CEP350: variants seen among roughly 807,000 people sequenced by gnomAD.
CEP350 encodes the protein centrosomal protein 350, also known as centrosome-associated protein 350.
CEP350 carries 126 observed loss-of-function variants against 331.8 expected under a neutral mutation model. The ratio of observed to expected loss-of-function variants is 0.38; its 90% confidence interval spans 0.33 to 0.44. The LOEUF is 0.44. Among genes scored for constraint, CEP350 ranks in the 20% least tolerant of loss-of-function variants. The pLI, the probability that CEP350 is intolerant of heterozygous loss-of-function variation, is 1.00. For missense variants in CEP350, 3,406 were observed against 3,634.6 expected (o/e 0.94, Z 1.62); for synonymous variants, 1,200 against 1,259.5 (o/e 0.95, Z 1.00).
chr1:180,024,602 G>C lies in CEP350; in HGVS notation c.3550+20G>C. ...CAGAATGTAAGTGGAATTCCACATG[G>C]TAACTTTTTCTCTTACCAATGATTT... On this transcript the variant is annotated intron_variant, in intron 14 of 37. Coordinates refer to ENST00000367607, the MANE Select transcript of CEP350 (RefSeq NM_014810.5). 6.3e-7 allele frequency: 1 copy of C among 1,590,190 alleles called. No homozygotes were observed. Among genetic ancestry groups the C allele is most frequent in the Non-Finnish European group, 8.6e-7 (1 of 1,168,988 alleles).
At chr1:179,965,014 T>C (rs563726008) in intron 1 of CEP350, among the ~76,000 whole-genome samples, 1 of 152,248 alleles carries the variant, frequency 6.6e-6, no homozygotes, top group South Asian at 2.1e-4. Context: ...GATATCTTAC[T>C]GTCTTTTTGA....
chr1:180,052,331 G>T (rs1381343752), intron 22 of CEP350: 1 of 402,410 alleles, frequency 2.5e-6, no homozygotes, highest in Non-Finnish European at 4.8e-6. Flanking sequence ...GAGCCCCTGT[G>T]CCTGGCCCCT....
At chr1:180,040,647 A>AAAT (rs1553258297) in intron 17 of CEP350, among the ~76,000 whole-genome samples, 1 of 150,246 alleles carries the variant, frequency 6.7e-6, no homozygotes, top group Non-Finnish European at 1.5e-5. Context: ...TGAAAAAAAA[A>AAAT]ATATATATAT....
At chr1:179,957,189 T>G (rs921545985) in intron 1 of CEP350, among the ~76,000 whole-genome samples, 3 of 152,196 alleles carry the variant, frequency 2.0e-5, no homozygotes, top group Admixed American at 6.5e-5. Context: ...TCATTTATAC[T>G]CTTAGTTATG....
At chr1:179,967,770 G>T (rs181088705) in intron 1 of CEP350, among the ~76,000 whole-genome samples, 7 of 152,256 alleles carry the variant, frequency 4.6e-5, no homozygotes, top group Admixed American at 3.3e-4. Context: ...TTTTATGAAA[G>T]AATTTATTTT....
At chr1:180,066,467 C>T (rs1369642795) in intron 27 of CEP350, among the ~76,000 whole-genome samples, 1 of 152,152 alleles carries the variant, frequency 6.6e-6, no homozygotes, top group Admixed American at 6.5e-5. Context: ...TTAAATCAAT[C>T]TGTGATTTAG....
chr1:180,066,596 A>G (rs1286704671), intron 27 of CEP350, among the ~76,000 whole-genome samples: 1 of 152,228 alleles, frequency 6.6e-6, no homozygotes, highest in South Asian at 2.1e-4. Context: ...TAAATTGATT[A>G]TGAAAATAAG....
At position 179,992,083 on chromosome 1, in the gene CEP350, C is replaced by T; in HGVS notation, c.257C>T (p.Ser86Phe). The change falls in exon 5 of 38, where the codon TCT becomes TTT. Residue 86 changes from serine (S) to phenylalanine (F), a missense_variant. By Grantham distance (155) the Ser-to-Phe change is radical. Coordinates refer to ENST00000367607, the MANE Select transcript of CEP350 (RefSeq NM_014810.5). Reference sequence around the variant, plus strand: ...TCAGATGGTAGATACCTGGATGATTCTTGGGTTAATGCTCCAATCTCCAAA... The same window carrying T: ...TCAGATGGTAGATACCTGGATGATTTTTGGGTTAATGCTCCAATCTCCAAA... ...SRKDGRYLDDSWVNAPISKST... is the reference protein window; with the variant it reads ...SRKDGRYLDDFWVNAPISKST... The T allele has an allele frequency of 6.5e-7, 1 of 1,548,892 alleles. No homozygotes were observed. Among genetic ancestry groups the T allele is most frequent in the Non-Finnish European group, 8.7e-7 (1 of 1,150,468 alleles).
At chr1:179,966,554 C>T (rs1434155262) in intron 1 of CEP350, among the ~76,000 whole-genome samples, 1 of 152,050 alleles carries the variant, frequency 6.6e-6, no homozygotes, top group Non-Finnish European at 1.5e-5. Context: ...AATGATTTTT[C>T]CCTCCCTAAG....
At chr1:180,095,476 A>G in intron 34 of CEP350, 47 bp from the exon 35 acceptor site, 4 of 1,540,832 alleles carry the variant, frequency 2.6e-6, no homozygotes, top group Non-Finnish European at 2.6e-6. Context: ...AAAAAATGAT[A>G]TGAGGTCCCT....
At chr1:180,044,709 G>A (rs1364230159) in intron 21 of CEP350, among the ~76,000 whole-genome samples, 1 of 149,734 alleles carries the variant, frequency 6.7e-6, no homozygotes, top group Non-Finnish European at 1.5e-5. Context: ...GATAGCATTA[G>A]GAGATATACC....
chr1:180,110,911 A>T, intron 37 of CEP350, 86 bp from the exon 38 acceptor site: 1 of 1,131,764 alleles, frequency 8.8e-7, no homozygotes, highest in Non-Finnish European at 1.3e-6. Flanking sequence ...CTGTATTCCT[A>T]TGGATAGGAC....
At position 180,022,807 on chromosome 1, in the gene CEP350, G is replaced by C; in HGVS notation, c.3345G>C (p.Gly1115=). 6.2e-7 allele frequency: 1 copy of C among 1,600,804 alleles called. No homozygotes were observed. The highest frequency in any genetic ancestry group is 8.5e-7 in the Non-Finnish European group (1 of 1,172,790). The change falls in exon 13 of 38, where the codon GGG becomes GGC. Residue 1115 remains glycine (G), a synonymous_variant. Coordinates refer to ENST00000367607, the MANE Select transcript of CEP350 (RefSeq NM_014810.5). The part of the protein sequence containing the change: ...SYEDDFVSSP[G]TGTSTEKKST... ...AAGATGATTTTGTCTCCTCTCCAGG[G>C]ACTGGGACTTCGACAGAAAAAAAAT... is the stretch of plus-strand genomic sequence containing the variant.
chr1:180,013,408 A>G (rs1455025265), intron 9 of CEP350, among the ~76,000 whole-genome samples: 1 of 152,180 alleles, frequency 6.6e-6, no homozygotes, highest in Non-Finnish European at 1.5e-5. Flanking sequence ...TATATTTTTT[A>G]TGATTATTAA....
At chr1:180,030,015 T>A (rs181764876) in intron 14 of CEP350, among the ~76,000 whole-genome samples, 38 of 152,258 alleles carry the variant, frequency 2.5e-4, no homozygotes, top group African/African-American at 8.9e-4. Flanking sequence ...TAAGGCTGAA[T>A]AATATTCCCG....
At chr1:180,021,320 ATAC>A (rs1215121874) in intron 12 of CEP350, among the ~76,000 whole-genome samples, 2 of 152,184 alleles carry the variant, frequency 1.3e-5, no homozygotes, top group Non-Finnish European at 2.9e-5. Context: ...TATCACGTAT[ATAC>A]TACATTTTCT....
At chr1:180,004,537 T>G (rs926385837) in intron 7 of CEP350, among the ~76,000 whole-genome samples, 1 of 152,230 alleles carries the variant, frequency 6.6e-6, no homozygotes, top group Non-Finnish European at 1.5e-5. Flanking sequence ...CCTGTTTGTT[T>G]CTTGTTTTCA....
intron 27 of CEP350, among the ~76,000 whole-genome samples, chr1:180,067,246 G>A (rs1035860805): frequency 1.3e-5 from 2 of 151,962 alleles, no homozygotes; most frequent in Admixed American, 6.6e-5. Flanking sequence ...GACAACTATG[G>A]CAATTGATTT....
intron 17 of CEP350, among the ~76,000 whole-genome samples, chr1:180,037,705 A>G (rs887660717): frequency 2.0e-5 from 3 of 152,132 alleles, no homozygotes; most frequent in Non-Finnish European, 4.4e-5. Flanking sequence ...GCTGGAGTGC[A>G]GTGGCACGAT....
Sources: gnomAD v4.1 joint callset for allele counts (sites outside exome capture counted in the v4.1 genomes callset) on GRCh38, gnomAD v4.1.1 for gene constraint, MANE v1.5 for transcripts, NCBI Gene and HGNC (gene_info 2026-07-23, HGNC 2026-07-21) for gene names.